OTUD7B: variants seen among roughly 807,000 people sequenced by gnomAD.
OTUD7B encodes OTU deubiquitinase 7B, also known as OTU domain-containing protein 7B.
OTUD7B carries 34 observed loss-of-function variants against 82.2 expected under a neutral mutation model. The ratio of observed to expected loss-of-function variants is 0.41; its 90% CI spans 0.31 to 0.55. OTUD7B has a LOEUF of 0.55. OTUD7B is among the 20% of genes least tolerant of loss of function. The pLI is 0.20. For synonymous variants in OTUD7B, 398 were observed against 402.7 expected (o/e 0.99, Z 0.14); for missense variants, 944 against 1,062.1 (o/e 0.89, Z 1.55).
intron 7 of OTUD7B, among the ~76,000 whole-genome samples, chr1:149,950,778 G>A (rs1362247598): frequency 0.013 from 3 of 228 alleles, no homozygotes; most frequent in Non-Finnish European, 0.028. Context: ...TCCATCTCCC[G>A]TGTGTTTTTT....
At chr1:150,009,691 A>C (rs1475469716) in intron 1 of OTUD7B, among the ~76,000 whole-genome samples, 1 of 152,090 alleles carries the variant, frequency 6.6e-6, no homozygotes, top group Admixed American at 6.6e-5. Context: ...GAGCGGGGAG[A>C]AAGAGACTCT....
chr1:150,065,849 G>GTTTCTTTTTTTTTTTT, the OTUD7B span, among the ~76,000 whole-genome samples: 3 of 151,526 alleles, frequency 2.0e-5, no homozygotes, highest in Admixed American at 6.6e-5. Flanking sequence ...TGTTCAAAAT[G>GTTTCTTTTTTTTTTTT]TTTATGTTCC....
At chr1:150,007,242 G>C (rs1553786348) in intron 1 of OTUD7B, among the ~76,000 whole-genome samples, 1 of 152,090 alleles carries the variant, frequency 6.6e-6, no homozygotes, top group Non-Finnish European at 1.5e-5. Flanking sequence ...ACATTTTACA[G>C]ATAAGGAAAA....
At chr1:149,976,227 C>T (rs1210808118) in intron 2 of OTUD7B, among the ~76,000 whole-genome samples, 1 of 152,010 alleles carries the variant, frequency 6.6e-6, no homozygotes, top group Non-Finnish European at 1.5e-5. Flanking sequence ...ATAGGCCTGC[C>T]TGTTTGTGTC....
rs183590070 is a variant in OTUD7B at position 149,998,359 on chromosome 1, C to T, written c.-67+12089G>A. On this transcript the variant is annotated intron_variant, in intron 1 of 11. Transcript: ENST00000581312. ...AGATTTTTCAGTATAAGTATAAAAA[C>T]CAAATTCCTTTGGCTGAGATTTAAG... Among the ~76,000 whole-genome samples the T allele has an allele frequency of 9.8e-4, 150 of 152,296 alleles. 1 individual carries two copies. The highest frequency in any genetic ancestry group is 3.4e-3 in the Middle Eastern group (1 of 294).
chr1:150,026,326 T>C, the OTUD7B span, among the ~76,000 whole-genome samples: 1 of 152,210 alleles, frequency 6.6e-6, no homozygotes, highest in Non-Finnish European at 1.5e-5. Context: ...CAGATGGAAA[T>C]TAGAAGAAAA....
upstream of OTUD7B, among the ~76,000 whole-genome samples, chr1:150,015,385 C>A (rs1553788258): frequency 1.3e-5 from 2 of 150,430 alleles, no homozygotes; most frequent in African/African-American, 4.9e-5. Flanking sequence ...CCTCCACCTC[C>A]CGGGTTCAAG....
rs1043793360 is a variant in OTUD7B at position 149,998,972 on chromosome 1, G to A, written c.-67+11476C>T. On this transcript the variant is annotated intron_variant, in intron 1 of 11. Transcript: ENST00000581312. ...TTTCTTTATATGCATTTATCTGTAT[G>A]TAACCATGTCCTATGTAACCCAGAA... is the stretch of plus-strand genomic sequence containing the variant. Among the ~76,000 whole-genome samples the A allele has an allele frequency of 4.6e-5, 7 of 152,012 alleles. No homozygotes were observed. In the South Asian group the frequency reaches 6.2e-4, roughly 14 times the overall value.
At chr1:150,021,598 A>G in the OTUD7B span, among the ~76,000 whole-genome samples, 2 of 152,222 alleles carry the variant, frequency 1.3e-5, no homozygotes, top group Non-Finnish European at 2.9e-5. Flanking sequence ...GTGGAGCCCC[A>G]GAGCTCCCTG....
the OTUD7B span, among the ~76,000 whole-genome samples, chr1:150,020,551 C>A: frequency 6.6e-6 from 1 of 151,136 alleles, no homozygotes; most frequent in African/African-American, 2.5e-5. Context: ...AACAAACAAA[C>A]AAAAAATTAA....
chr1:149,945,216 G>A, intron 11 of OTUD7B, 151 bp from the exon 12 acceptor site: 1 of 1,067,530 alleles, frequency 9.4e-7, no homozygotes. Context: ...GGACACCTAT[G>A]AACTCCGTCC....
At chr1:149,951,268 G>T (rs1256207636) in intron 7 of OTUD7B, among the ~76,000 whole-genome samples, 1 of 151,780 alleles carries the variant, frequency 6.6e-6, no homozygotes. Flanking sequence ...ACTGTGCCTG[G>T]CAATTTTTTA....
At chr1:149,983,389 A>T (rs1026259124) in intron 1 of OTUD7B, among the ~76,000 whole-genome samples, 12 of 152,154 alleles carry the variant, frequency 7.9e-5, no homozygotes, top group Non-Finnish European at 1.8e-4. Flanking sequence ...TGCACAATTC[A>T]TCTAACATTT....
the OTUD7B span, among the ~76,000 whole-genome samples, chr1:150,057,186 C>T: frequency 5.3e-5 from 8 of 151,904 alleles, no homozygotes; most frequent in African/African-American, 1.5e-4. Flanking sequence ...CCCATATTGA[C>T]GGATATTCTA....
At chr1:150,006,967 T>C (rs141120651) in intron 1 of OTUD7B, among the ~76,000 whole-genome samples, 73 of 152,324 alleles carry the variant, frequency 4.8e-4, no homozygotes, top group African/African-American at 1.6e-3. Context: ...ATCCGTCCTT[T>C]GTTCAAGGAC....
At chr1:149,957,293 G>GA (rs1328578776) in intron 7 of OTUD7B, among the ~76,000 whole-genome samples, 2 of 151,660 alleles carry the variant, frequency 1.3e-5, no homozygotes, top group African/African-American at 2.4e-5. Context: ...GAGTTTGCTG[G>GA]AGGTCCACTC....
intron 1 of OTUD7B, among the ~76,000 whole-genome samples, chr1:149,984,081 C>T (rs1650971331): frequency 6.6e-6 from 1 of 152,134 alleles, no homozygotes; most frequent in South Asian, 2.1e-4. Flanking sequence ...ACATGTTATT[C>T]AGCCACCTTG....
intron 1 of OTUD7B, among the ~76,000 whole-genome samples, chr1:150,008,242 G>C (rs1553786607): frequency 6.6e-6 from 1 of 152,174 alleles, no homozygotes; most frequent in Non-Finnish European, 1.5e-5. Flanking sequence ...GCTAGATGCA[G>C]ATATAAATAG....
intron 2 of OTUD7B, among the ~76,000 whole-genome samples, chr1:149,973,330 G>A (rs1169706713): frequency 6.6e-6 from 1 of 152,180 alleles, no homozygotes; most frequent in African/African-American, 2.4e-5. Context: ...AGGCTGAGAT[G>A]GGAGGCTCAC....
Sources: gnomAD v4.1 joint callset for allele counts (sites outside exome capture counted in the v4.1 genomes callset) on GRCh38, gnomAD v4.1.1 for gene constraint, MANE v1.5 for transcripts, NCBI Gene and HGNC (gene_info 2026-07-23, HGNC 2026-07-21) for gene names.